The following KIF7 variants were observed in gnomAD, a reference collection of about 807,000 sequenced individuals.
The protein encoded by KIF7 is kinesin-like protein KIF7.
A neutral mutation model predicts 135.7 loss-of-function variants in KIF7; 104 were observed. The observed-to-expected ratio is 0.77, with a 90% CI of 0.65 to 0.90. The LOEUF is 0.90. KIF7 is among the 40% of genes least tolerant of loss of function. The pLI is 0.00. For missense variants in KIF7, 2,005 were observed against 1,839.1 expected (o/e 1.09, Z -1.65); for synonymous variants, 883 against 809.4 (o/e 1.09, Z -1.54).
Position 89,645,442 on chromosome 15 carries a change from G to C in KIF7, c.1932C>G (p.Ile644Met). Residue 644 changes from isoleucine to methionine, a missense_variant, in exon 9 of 19, where the codon ATC (isoleucine) becomes ATG (methionine). Coordinates refer to ENST00000394412, the MANE Select transcript of KIF7 (RefSeq NM_198525.3). ...RRTLHLRRNR[I>M]SNCSQRAGAR... ...CCCCCGCCCTCTGACTGCAGTTGCT[G>C]ATCCTATTTCTGGAGGACAGAAGCA... The C allele has an allele frequency of 1.2e-6, 2 of 1,612,308 alleles. No individual in the cohort carries two copies. Among genetic ancestry groups the C allele is most frequent in the Non-Finnish European group, 1.7e-6 (2 of 1,179,054 alleles).
intron 15 of KIF7, 116 bp from the exon 16 acceptor site, chr15:89,630,609 C>G (rs1328452758): frequency 1.2e-6 from 1 of 850,338 alleles, no homozygotes; most frequent in Non-Finnish European, 1.9e-6. Context: ...TCCCCTCGTC[C>G]CAAGGGCCAA....
chr15:89,642,420 G>C lies in KIF7; in HGVS notation c.2192-15C>G, dbSNP rs983505734. The C allele has an allele frequency of 3.2e-6, 5 of 1,577,546 alleles. No individual in the cohort carries two copies. In the Admixed American group the frequency reaches 7.2e-5, roughly 23 times the overall value. The stretch of plus-strand genomic sequence containing the variant: ...AGCTGCCTTTCCTGGAAGAAAGCGG[G>C]AATGTCAGCACAGGCAGCCCTGCTC... On this transcript the variant is annotated splice_polypyrimidine_tract_variant and intron_variant, in intron 10 of 18. Coordinates refer to ENST00000394412, the MANE Select transcript of KIF7 (RefSeq NM_198525.3).
chr15:89,650,242 C>T (rs1177911635), intron 2 of KIF7, among the ~76,000 whole-genome samples: 1 of 152,250 alleles, frequency 6.6e-6, no homozygotes, highest in Admixed American at 6.5e-5. Context: ...GCCTTGATTA[C>T]TCCTAATCCA....
chr15:89,646,920 G>C lies in KIF7; in HGVS notation c.1698C>G (p.Ala566=). The change falls in exon 7 of 19, where the codon GCC becomes GCG. Residue 566 remains alanine, a synonymous_variant. Transcript: ENST00000394412. ...PGSFVPRPHT[A]PLGGAHAHVL... is the part of the protein sequence containing the mutation. ...CATGGGCGTGGGCACCCCCCAGGGG[G>C]GCTGTATGAGGTCGAGGCACAAAGG... 1 of 1,614,072 alleles carries C rather than the reference G, an allele frequency of 6.2e-7. No homozygotes were observed. The highest frequency in any genetic ancestry group is 8.5e-7 in the Non-Finnish European group (1 of 1,180,004).
chr15:89,624,703 ACT>A, downstream of KIF7: 2 of 1,613,848 alleles, frequency 1.2e-6, no homozygotes, highest in Non-Finnish European at 1.7e-6. Context: ...AGAGCATGTC[ACT>A]CTCCTCAGTG....
chr15:89,621,659 A>C, intron 1 of KIF7: 4 of 861,658 alleles, frequency 4.6e-6, no homozygotes, highest in Non-Finnish European at 7.0e-6. Context: ...CCTCTAGATA[A>C]TACTAGAGAT....
At chr15:89,638,547 G>T (rs1297421080) in intron 11 of KIF7, among the ~76,000 whole-genome samples, 3 of 147,240 alleles carry the variant, frequency 2.0e-5, no homozygotes, top group African/African-American at 8.1e-5. Context: ...ATTCACAATT[G>T]CTTCAAAGAG....
At chr15:89,640,956 T>C (rs1368295663) in intron 11 of KIF7, among the ~76,000 whole-genome samples, 2 of 151,804 alleles carry the variant, frequency 1.3e-5, no homozygotes, top group African/African-American at 4.8e-5. Context: ...TAAGCTGAGA[T>C]TGCACCACAG....
chr15:89,647,888 GC>G (rs1964044351), intron 5 of KIF7, among the ~76,000 whole-genome samples, 176 bp from the exon 6 acceptor site: 2 of 152,148 alleles, frequency 1.3e-5, no homozygotes, highest in Non-Finnish European at 2.9e-5. Context: ...GGTGCCCTCT[GC>G]AAGCCATTTG....
rs755333464 is a variant in KIF7, at chr15:89,628,598, C to A, written c.3853G>T (p.Glu1285Ter). Residue 1285 changes from glutamate (E) to a stop codon, truncating the protein, a stop_gained, in exon 19 of 19, where the codon GAG becomes TAG. Transcript: ENST00000394412. LOFTEE classifies it low-confidence loss of function (END_TRUNC). ...AGTTCCTCGGGGGACCCCTGCTCCT[C>A]ACCACACAGGCTCGAGCGTTTCCAG... ...LTWKRSSLCG[E>*]EQGSPEELRQ... 1 of 1,613,552 alleles carries A rather than the reference C, an allele frequency of 6.2e-7. No homozygotes were observed. The highest frequency in any genetic ancestry group is 8.5e-7 in the Non-Finnish European group (1 of 1,180,022).
At chr15:89,617,410 C>T (rs1477549572) in intron 2 of KIF7, among the ~76,000 whole-genome samples, 1 of 152,160 alleles carries the variant, frequency 6.6e-6, no homozygotes, top group Non-Finnish European at 1.5e-5. Context: ...CTGCTCATTA[C>T]TGTGATAGTC....
At chr15:89,637,651 C>T (rs1324382505) in intron 11 of KIF7, among the ~76,000 whole-genome samples, 2 of 147,648 alleles carry the variant, frequency 1.4e-5, no homozygotes, top group African/African-American at 2.5e-5. Flanking sequence ...AGACCAATAA[C>T]AGGAGCTGAA....
intron 15 of KIF7, chr15:89,631,136 C>T (rs1223336822): frequency 3.4e-6 from 1 of 291,286 alleles, no homozygotes; most frequent in Non-Finnish European, 6.5e-6. Flanking sequence ...TCTCTCTGCT[C>T]AGGGAACACA....
At chr15:89,646,412 C>G (rs1329039691) in intron 7 of KIF7, among the ~76,000 whole-genome samples, 1 of 152,192 alleles carries the variant, frequency 6.6e-6, no homozygotes, top group African/African-American at 2.4e-5. Context: ...GGACCCAGAA[C>G]TTTCAGGCAG....
At chr15:89,659,617 T>C (rs1964239180), upstream of KIF7, among the ~76,000 whole-genome samples, 2 of 152,202 alleles carry the variant, frequency 1.3e-5, no homozygotes, top group African/African-American at 2.4e-5. Context: ...CAATGTTCAA[T>C]ATCATTGCTA....
chr15:89,662,076 T>G, the KIF7 span, among the ~76,000 whole-genome samples: 2 of 152,330 alleles, frequency 1.3e-5, no homozygotes, highest in Middle Eastern at 3.4e-3. Context: ...TTATAAATTT[T>G]GATTAAGTGT....
intron 11 of KIF7, among the ~76,000 whole-genome samples, chr15:89,635,540 C>T (rs1472199251): frequency 6.6e-6 from 1 of 152,150 alleles, no homozygotes; most frequent in Non-Finnish European, 1.5e-5. Context: ...GCAGAAGCCT[C>T]AGGAGCTGAT....
the KIF7 span, among the ~76,000 whole-genome samples, chr15:89,662,822 T>C: frequency 1.3e-5 from 2 of 152,224 alleles, no homozygotes; most frequent in Non-Finnish European, 1.5e-5. Flanking sequence ...ACTTTGCCCT[T>C]GTTACTGGCC....
downstream of KIF7, chr15:89,623,480 C>T (rs941882917): frequency 5.8e-6 from 5 of 856,646 alleles, no homozygotes; most frequent in African/African-American, 1.7e-5. Flanking sequence ...GAGAGGGAAA[C>T]GGGTCACTAT....
Sources: allele counts gnomAD v4.1 joint callset (sites outside exome capture counted in the v4.1 genomes callset), GRCh38; gene constraint gnomAD v4.1.1; transcripts MANE v1.5; gene names NCBI Gene and HGNC (gene_info 2026-07-23, HGNC 2026-07-21).